The following IFNAR1 variants were observed in gnomAD, a reference collection of about 807,000 sequenced individuals.
IFNAR1 encodes the protein interferon alpha and beta receptor subunit 1, also known as interferon alpha/beta receptor 1.
A neutral mutation model predicts 62.1 loss-of-function variants in IFNAR1; 47 were observed. The ratio of observed to expected loss-of-function variants is 0.76; its 90% CI spans 0.60 to 0.97. The LOEUF (loss-of-function observed/expected upper bound fraction) is 0.97, where lower values mean the gene tolerates loss of function less well. IFNAR1 is among the 50% of genes least tolerant of loss of function. IFNAR1 has a pLI of 0.00. For synonymous variants in IFNAR1, 219 were observed against 226.9 expected (o/e 0.97, Z 0.31); for missense variants, 638 against 654.5 (o/e 0.97, Z 0.27).
chr21:33,343,139 A>G, intron 3 of IFNAR1, 129 bp from the exon 4 acceptor site: 3 of 697,450 alleles, frequency 4.3e-6, no homozygotes, highest in Non-Finnish European at 7.2e-6. Flanking sequence ...ACAGCTTTCT[A>G]TCCTATCTGT....
upstream of IFNAR1, chr21:33,324,614 C>G (rs1252745256): frequency 6.2e-6 from 1 of 161,492 alleles, no homozygotes; most frequent in Non-Finnish European, 1.4e-5. Context: ...GACGCGGGAA[C>G]TCCAAAGTCG....
chr21:33,348,567 C>T (rs1267026892), intron 6 of IFNAR1, among the ~76,000 whole-genome samples: 2 of 151,862 alleles, frequency 1.3e-5, no homozygotes, highest in Non-Finnish European at 2.9e-5. Context: ...TTTAGGAGGC[C>T]GAGGTAGGTG....
At chr21:33,344,760 T>TTTTATTTA (rs1568930667) in intron 5 of IFNAR1, among the ~76,000 whole-genome samples, 1 of 91,820 alleles carries the variant, frequency 1.1e-5, no homozygotes, top group African/African-American at 3.7e-5. Flanking sequence ...ATTCTTTCTT[T>TTTTATTTA]TTTACTTATT....
rs371459204 is a variant in IFNAR1 at position 33,349,199 on chromosome 21, A to G, written c.897A>G (p.Gln299=). The G allele has an allele frequency of 4.3e-6, 7 of 1,613,738 alleles. No homozygotes were observed. Among genetic ancestry groups the G allele is most frequent in the East Asian group, 2.2e-5 (1 of 44,850 alleles). ...TQCVFPQNVF[Q]KGIYLLRVQA... ...GTGTCTTTCCTCAAAACGTTTTCCA[A>G]AAAGGAATTTACCTTCTCCGCGTAC... Residue 299 remains glutamine (Q), a synonymous_variant, in exon 7 of 11, where the codon CAA becomes CAG. Transcript: ENST00000270139.
intron 1 of IFNAR1, among the ~76,000 whole-genome samples, chr21:33,326,758 C>T (rs964766430): frequency 6.6e-6 from 1 of 151,834 alleles, no homozygotes; most frequent in South Asian, 2.1e-4. Context: ...TTCCCTTTTG[C>T]GTAAGAAAGT....
At chr21:33,329,961 A>G (rs1371076431) in intron 1 of IFNAR1, among the ~76,000 whole-genome samples, 2 of 152,194 alleles carry the variant, frequency 1.3e-5, no homozygotes, top group Admixed American at 1.3e-4. Context: ...TACTGGCAGA[A>G]TCTGATGTAA....
At chr21:33,354,357 A>T (rs1269288838) in intron 10 of IFNAR1, among the ~76,000 whole-genome samples, 1 of 152,172 alleles carries the variant, frequency 6.6e-6, no homozygotes, top group Non-Finnish European at 1.5e-5. Context: ...AAGTAAATAA[A>T]GTCTGTAATG....
chr21:33,344,915 G>A (rs1356268966), intron 5 of IFNAR1, among the ~76,000 whole-genome samples: 1 of 152,020 alleles, frequency 6.6e-6, no homozygotes, highest in African/African-American at 2.4e-5. Flanking sequence ...AGCCTCCCGA[G>A]TAGCTGGGAT....
chr21:33,325,207 T>G, intron 1 of IFNAR1, 76 bp downstream of exon 1: 1 of 1,287,578 alleles, frequency 7.8e-7, no homozygotes, highest in Non-Finnish European at 1.1e-6. Context: ...GCGGCGATGC[T>G]GTTGGGGGCG....
chr21:33,337,743 C>CATACAT (rs935364589), intron 2 of IFNAR1, among the ~76,000 whole-genome samples: 51 of 141,072 alleles, frequency 3.6e-4, no homozygotes, highest in Non-Finnish European at 6.7e-4. Flanking sequence ...ATTGTGTATA[C>CATACAT]ATACATATAC....
At chr21:33,329,546 A>G (rs1433983104) in intron 1 of IFNAR1, among the ~76,000 whole-genome samples, 1 of 152,236 alleles carries the variant, frequency 6.6e-6, no homozygotes, top group Non-Finnish European at 1.5e-5. Context: ...AAGAGCAAGA[A>G]GCTGTCTCAG....
intron 2 of IFNAR1, among the ~76,000 whole-genome samples, chr21:33,339,927 C>CA (rs532975886): frequency 0.012 from 1,009 of 81,494 alleles, 9 homozygotes; most frequent in South Asian, 0.02. Flanking sequence ...GACTCTGTCT[C>CA]AAAAAAAAAA....
At position 33,359,476 on chromosome 21, in the gene IFNAR1, G is replaced by A. The variant is rs961221252; in HGVS notation, c.*3927G>A. ...AGCCGTCACTGTCCCCAGAGCCTGT[G>A]GAGATAGAGCCTGTTTGCTGCTTTT... On this transcript the variant is annotated 3_prime_UTR_variant, in exon 11 of 11. Coordinates refer to ENST00000270139, the MANE Select transcript of IFNAR1 (RefSeq NM_000629.3). 1 of 152,202 alleles carries A rather than the reference G, an allele frequency of 6.6e-6. No individual in the cohort carries two copies. The allele number at this position is 152,202 out of a possible 1,614,324, so 9.4% of individuals were successfully genotyped here.
In IFNAR1 at chr21:33,358,709, T is replaced by C. The variant is rs1243996374; in HGVS notation, c.*3160T>C. On this transcript the variant is annotated 3_prime_UTR_variant, in exon 11 of 11. Transcript: ENST00000270139. Reference sequence around the variant, plus strand: ...TATAAAAAAGTTACTTTTAAAAATATAAGTTAGGGCTAGGCACAGTGGCTC... The same window carrying C: ...TATAAAAAAGTTACTTTTAAAAATACAAGTTAGGGCTAGGCACAGTGGCTC... The C allele has an allele frequency of 3.3e-5, 5 of 152,012 alleles. No individual in the cohort carries two copies. Among genetic ancestry groups the C allele is most frequent in the Admixed American group, 3.3e-4 (5 of 15,252 alleles). 9.4% of individuals were successfully genotyped at this position (152,012 alleles called of 1,614,324 possible). A position where few individuals can be genotyped will look rare whatever the true frequency, so the allele number is the denominator to read the frequency against.
At chr21:33,336,464 G>A (rs2083236391) in intron 2 of IFNAR1, among the ~76,000 whole-genome samples, 1 of 148,314 alleles carries the variant, frequency 6.7e-6, no homozygotes, top group South Asian at 2.2e-4. Context: ...GGGTCAAATG[G>A]TATTTCTAGT....
intron 2 of IFNAR1, among the ~76,000 whole-genome samples, chr21:33,340,428 T>C (rs1004374146): frequency 6.6e-6 from 1 of 152,116 alleles, no homozygotes; most frequent in Non-Finnish European, 1.5e-5. Context: ...CATAGCCTAC[T>C]GCAGCCTGCA....
intron 1 of IFNAR1, 152 bp downstream of exon 1, chr21:33,325,283 C>A: frequency 1.4e-6 from 1 of 693,754 alleles, no homozygotes. Context: ...CCGACCTGGG[C>A]TCGCAAATCA....
chr21:33,325,228 A>G, intron 1 of IFNAR1, 97 bp downstream of exon 1: 1 of 1,054,890 alleles, frequency 9.5e-7, no homozygotes, highest in Non-Finnish European at 1.4e-6. Flanking sequence ...ACAGACGCCC[A>G]GTCTGGGAAA....
At position 33,353,714 on chromosome 21, in the gene IFNAR1, G is replaced by T. The variant is rs80214730; in HGVS notation, c.1371G>T (p.Ala457=). ...LFALPFVIYA[A]KVFLRCINYV... ...CTCTCCCGTTTGTCATTTATGCTGC[G>T]AAAGTCTTCTTGAGATGCATCAATT... The change falls in exon 10 of 11, where the codon GCG becomes GCT. Residue 457 remains alanine (A), a synonymous_variant. Transcript: ENST00000270139. The T allele has an allele frequency of 6.3e-7, 1 of 1,592,026 alleles. No homozygotes were observed. Among genetic ancestry groups the T allele is most frequent in the Non-Finnish European group, 8.5e-7 (1 of 1,170,594 alleles).
Sources: allele counts gnomAD v4.1 joint callset (sites outside exome capture counted in the v4.1 genomes callset), GRCh38; gene constraint gnomAD v4.1.1; transcripts MANE v1.5; gene names NCBI Gene and HGNC (gene_info 2026-07-23, HGNC 2026-07-21).